ACTA2: variants seen among roughly 807,000 people sequenced by gnomAD.
The protein encoded by ACTA2 is actin, aortic smooth muscle.
A neutral mutation model predicts 39.5 loss-of-function variants in ACTA2; 12 were observed. That is an observed-to-expected ratio of 0.30 (90% CI 0.19 to 0.49). ACTA2 has a LOEUF of 0.49. Among genes scored for constraint, ACTA2 ranks in the 20% least tolerant of loss-of-function variants. ACTA2 has a pLI of 0.99. For synonymous variants in ACTA2, 158 were observed against 180.6 expected (o/e 0.88, Z 1.00); for missense variants, 236 against 498.8 (o/e 0.47, Z 5.02).
intron 1 of ACTA2, among the ~76,000 whole-genome samples, chr10:88,987,799 A>C (rs964813157): frequency 6.6e-6 from 1 of 152,244 alleles, no homozygotes; most frequent in African/African-American, 2.4e-5. Context: ...AGGCCATGGC[A>C]CTTGGCTATT....
chr10:88,974,496 G>T (rs1341368623), intron 1 of ACTA2: 1 of 152,146 alleles, frequency 6.6e-6, no homozygotes, highest in Non-Finnish European at 1.5e-5. Flanking sequence ...AATTCCTCTT[G>T]TAGCCAGTGA....
intron 1 of ACTA2, among the ~76,000 whole-genome samples, chr10:88,951,234 G>C (rs996793373): frequency 1.3e-5 from 2 of 152,206 alleles, no homozygotes; most frequent in Admixed American, 1.3e-4. Context: ...GTCAGAAGCA[G>C]CCAGCCCCAG....
chr10:88,958,978 C>T (rs1846184649), intron 1 of ACTA2, among the ~76,000 whole-genome samples: 2 of 152,158 alleles, frequency 1.3e-5, no homozygotes, highest in Admixed American at 1.3e-4. Flanking sequence ...CTCATAGGGA[C>T]TCTTCCTTTC....
At chr10:88,989,024 G>C (rs1847013045) in intron 1 of ACTA2, among the ~76,000 whole-genome samples, 1 of 152,166 alleles carries the variant, frequency 6.6e-6, no homozygotes, top group Non-Finnish European at 1.5e-5. Context: ...GCAGGACCTT[G>C]GGAGCAAGAA....
chr10:88,973,290 TCATCA>T, intron 1 of ACTA2: 1 of 1,612,220 alleles, frequency 6.2e-7, no homozygotes, highest in Non-Finnish European at 8.5e-7. Flanking sequence ...CTCTAGGTCA[TCATCA>T]CCATCTGAAC....
chr10:88,981,157 C>T (rs1053532627), intron 1 of ACTA2, among the ~76,000 whole-genome samples: 4 of 152,174 alleles, frequency 2.6e-5, no homozygotes, highest in African/African-American at 9.7e-5. Flanking sequence ...AGTGTGGAGC[C>T]TCCAGACCTG....
chr10:88,954,568 C>A (rs564755021), upstream of ACTA2, among the ~76,000 whole-genome samples: 1 of 152,010 alleles, frequency 6.6e-6, no homozygotes, highest in Admixed American at 6.6e-5. Context: ...GTAGTCCTTG[C>A]GATCTTTATG....
At position 88,947,410 on chromosome 10, in the gene ACTA2, A is replaced by G. The variant is rs765953974; in HGVS notation, c.130-24T>C. 11 of 1,613,374 alleles carry G rather than the reference A, an allele frequency of 6.8e-6. No homozygotes were observed. In the South Asian group the frequency reaches 1.1e-4, roughly 16 times the overall value. On this transcript the variant is annotated intron_variant, in intron 2 of 8. Coordinates refer to ENST00000224784, the MANE Select transcript of ACTA2 (RefSeq NM_001613.4). Reference sequence around the variant, plus strand: ...CCCTAAAAAGGTTCAACACATTATGAGTCAGCATCTCCCAAAACTTGTGAA... The same window carrying G: ...CCCTAAAAAGGTTCAACACATTATGGGTCAGCATCTCCCAAAACTTGTGAA...
At chr10:88,943,734 G>T in intron 4 of ACTA2, 63 bp downstream of exon 4, 2 of 1,380,668 alleles carry the variant, frequency 1.4e-6, no homozygotes. Context: ...GTGCTGCATA[G>T]CCTCCTTCTA....
chr10:88,952,604 C>A (rs1420765155), intron 1 of ACTA2, 127 bp downstream of exon 1: 2 of 152,204 alleles, frequency 1.3e-5, no homozygotes, highest in East Asian at 1.9e-4. Flanking sequence ...TTTAGTAGTA[C>A]AATCTTCATT....
At chr10:88,973,805 G>A (rs1846501732) in intron 1 of ACTA2, 1 of 151,806 alleles carries the variant, frequency 6.6e-6, no homozygotes, top group South Asian at 2.1e-4. Context: ...TCTATGTCTT[G>A]TGTGTTTTTG....
At chr10:88,943,009 A>T (rs1845883995) in intron 4 of ACTA2, among the ~76,000 whole-genome samples, 1 of 152,230 alleles carries the variant, frequency 6.6e-6, no homozygotes, top group African/African-American at 2.4e-5. Context: ...TACTTAATGT[A>T]TCTGAGCCTC....
chr10:88,967,956 A>G (rs906453533), intron 1 of ACTA2, among the ~76,000 whole-genome samples: 2 of 152,170 alleles, frequency 1.3e-5, no homozygotes, highest in Non-Finnish European at 2.9e-5. Flanking sequence ...CTTCAAGTTT[A>G]TGGCTTATCC....
intron 7 of ACTA2, 197 bp downstream of exon 7, chr10:88,939,310 G>A (rs1018115481): frequency 3.9e-5 from 26 of 662,170 alleles, no homozygotes; most frequent in Middle Eastern, 4.1e-4. Flanking sequence ...CATAGATAGT[G>A]TTTTCTTAGG....
At chr10:88,948,750 A>G (rs1481437472) in intron 2 of ACTA2, 52 bp downstream of exon 2, 3 of 1,611,776 alleles carry the variant, frequency 1.9e-6, no homozygotes, top group African/African-American at 2.7e-5. Context: ...AAACATGAAC[A>G]CAGAGGAACC....
chr10:88,970,824 A>G (rs1044223331), intron 1 of ACTA2, among the ~76,000 whole-genome samples: 2 of 152,168 alleles, frequency 1.3e-5, no homozygotes, highest in Admixed American at 6.5e-5. Context: ...CATATGTAAC[A>G]AACCTGCACG....
At chr10:88,965,392 T>A (rs1846301388) in intron 1 of ACTA2, among the ~76,000 whole-genome samples, 1 of 152,164 alleles carries the variant, frequency 6.6e-6, no homozygotes, top group African/African-American at 2.4e-5. Flanking sequence ...TTTCAGAAAG[T>A]TTCCCTAATT....
intron 8 of ACTA2, 47 bp downstream of exon 8, chr10:88,938,014 C>T: frequency 3.1e-6 from 5 of 1,607,288 alleles, no homozygotes; most frequent in Non-Finnish European, 3.4e-6. Context: ...GGTTATAGGG[C>T]TGACACTGCT....
intron 7 of ACTA2, among the ~76,000 whole-genome samples, chr10:88,939,129 T>C (rs1845801089): frequency 1.3e-5 from 2 of 152,168 alleles, no homozygotes; most frequent in Non-Finnish European, 2.9e-5. Flanking sequence ...TCCAAGACAA[T>C]GTGAATGTAG....
Sources: gnomAD v4.1 joint callset for allele counts (sites outside exome capture counted in the v4.1 genomes callset) on GRCh38, gnomAD v4.1.1 for gene constraint, MANE v1.5 for transcripts, NCBI Gene and HGNC (gene_info 2026-07-23, HGNC 2026-07-21) for gene names.